The following SNTG2 variants were observed in gnomAD, a reference collection of about 807,000 sequenced individuals.
SNTG2 encodes gamma-2-syntrophin.
A neutral mutation model predicts 70.9 loss-of-function variants in SNTG2; 74 were observed. The ratio of observed to expected loss-of-function variants is 1.04; its 90% CI spans 0.86 to 1.27. The LOEUF is 1.27. SNTG2 is among the 50% of genes most tolerant of loss of function. The pLI, the probability that SNTG2 is intolerant of heterozygous loss-of-function variation, is 0.00. For synonymous variants in SNTG2, 278 were observed against 273.8 expected, an observed-to-expected ratio of 1.02 and a Z score of -0.15; for missense variants, 717 against 690.7, an observed-to-expected ratio of 1.04 and a Z score of -0.43.
chr2:1,203,690 A>ATATATATATATATGTGTG (rs150383929), intron 8 of SNTG2, among the ~76,000 whole-genome samples: 2 of 141,308 alleles, frequency 1.4e-5, no homozygotes, highest in African/African-American at 5.3e-5. Flanking sequence ...ATATATATAT[A>ATATATATATATATGTGTG]TGTGTGTGTG....
At chr2:1,255,885 A>AAT (rs1305282798) in intron 12 of SNTG2, among the ~76,000 whole-genome samples, 1,185 of 89,894 alleles carry the variant, frequency 0.013, 24 homozygotes, top group African/African-American at 0.037. Context: ...TATATATATA[A>AAT]ATATATATAA....
intron 4 of SNTG2, among the ~76,000 whole-genome samples, chr2:1,132,441 T>C (rs1166597365): frequency 6.6e-6 from 1 of 152,172 alleles, no homozygotes; most frequent in East Asian, 1.9e-4. Context: ...CAGCTGCTCT[T>C]GTTTCGACAC....
chr2:1,351,044 A>G (rs1455416861), intron 16 of SNTG2, among the ~76,000 whole-genome samples: 2 of 151,996 alleles, frequency 1.3e-5, no homozygotes, highest in Non-Finnish European at 1.5e-5. Flanking sequence ...TGTTCGGCCG[A>G]TAAGTGTAGG....
At chr2:1,298,667 G>A (rs1271486148) in intron 14 of SNTG2, among the ~76,000 whole-genome samples, 4 of 151,974 alleles carry the variant, frequency 2.6e-5, no homozygotes, top group Non-Finnish European at 4.4e-5. Context: ...ACCATCCTGC[G>A]CCACTCCAGA....
intron 16 of SNTG2, among the ~76,000 whole-genome samples, chr2:1,350,391 A>G (rs1272392054): frequency 6.6e-6 from 1 of 152,236 alleles, no homozygotes; most frequent in African/African-American, 2.4e-5. Context: ...CCTGCAACAC[A>G]GCTTGCCCCG....
chr2:1,094,398 G>A (rs75699273), intron 2 of SNTG2, among the ~76,000 whole-genome samples: 1 of 62,966 alleles, frequency 1.6e-5, no homozygotes, highest in African/African-American at 8.6e-5. Context: ...GACTGCAGGC[G>A]AAGGCCTTGT....
Position 1,247,455 on chromosome 2 carries a change from T to A in SNTG2, c.1005+12T>A. On this transcript the variant is annotated intron_variant, in intron 12 of 16. Transcript: ENST00000308624. ...TCAGCACTCCTCCGGTAAGGATGCT[T>A]TTGACACTCCACAGGGAGGGGCTGC... The A allele has an allele frequency of 6.4e-7, 1 of 1,573,886 alleles. No individual in the cohort carries two copies. Among genetic ancestry groups the A allele is most frequent in the Non-Finnish European group, 8.7e-7 (1 of 1,143,676 alleles).
chr2:1,223,654 C>G (rs796929138), intron 9 of SNTG2, among the ~76,000 whole-genome samples: 3 of 152,184 alleles, frequency 2.0e-5, no homozygotes, highest in Non-Finnish European at 2.9e-5. Context: ...TGACATCATT[C>G]GTATTGGGCC....
chr2:1,126,187 C>T (rs1667688784), intron 4 of SNTG2, among the ~76,000 whole-genome samples: 1 of 152,154 alleles, frequency 6.6e-6, no homozygotes, highest in South Asian at 2.1e-4. Context: ...CTCTATTCTA[C>T]TCCTTAGTTC....
intron 16 of SNTG2, among the ~76,000 whole-genome samples, chr2:1,363,664 C>T (rs978182931): frequency 6.6e-6 from 1 of 152,168 alleles, no homozygotes; most frequent in Admixed American, 6.5e-5. Context: ...TTTGTTCAAA[C>T]AAAATGTCAA....
intron 1 of SNTG2, among the ~76,000 whole-genome samples, chr2:968,538 T>C (rs1388274545): frequency 6.6e-6 from 1 of 152,202 alleles, no homozygotes; most frequent in East Asian, 1.9e-4. Context: ...GTTGTGTTTT[T>C]CCTGATTCTT....
chr2:1,357,452 G>T lies in SNTG2; in HGVS notation c.1489-9891G>T, dbSNP rs902280515. Reference sequence around the variant, plus strand: ...TAAATTCCACATATTTGTAGAATATGATCCTTTTCATGTGCTATTGAATTC... The same window carrying T: ...TAAATTCCACATATTTGTAGAATATTATCCTTTTCATGTGCTATTGAATTC... On this transcript the variant is annotated intron_variant, in intron 16 of 16. Coordinates refer to ENST00000308624, the MANE Select transcript of SNTG2 (RefSeq NM_018968.4). Among the ~76,000 whole-genome samples, 3 of 152,208 alleles carry T rather than the reference G, an allele frequency of 2.0e-5. No homozygotes were observed. In the East Asian group the frequency reaches 5.8e-4, roughly 29 times the overall value.
intron 16 of SNTG2, 33 bp downstream of exon 16, chr2:1,316,408 C>A: frequency 1.8e-6 from 2 of 1,124,478 alleles, no homozygotes; most frequent in Non-Finnish European, 2.6e-6. Context: ...TATTCTGCCA[C>A]CACCCACACA....
intron 8 of SNTG2, among the ~76,000 whole-genome samples, chr2:1,180,678 G>A (rs1480784150): frequency 6.6e-6 from 1 of 150,476 alleles, no homozygotes; most frequent in African/African-American, 2.5e-5. Context: ...CAGGGATCTA[G>A]AACTAGAAAT....
In SNTG2 at chr2:1,243,653, C is replaced by G. The variant is rs1677193854; in HGVS notation, c.889-3674C>G. On this transcript the variant is annotated intron_variant, in intron 11 of 16. Coordinates refer to ENST00000308624, the MANE Select transcript of SNTG2 (RefSeq NM_018968.4). ...GTGTTACGGCCGTTAGATTAAGTTC[C>G]TGCACATCAGTTTCCTATTCATAGT... Among the ~76,000 whole-genome samples, 3 of 152,324 alleles carry G rather than the reference C, an allele frequency of 2.0e-5. No homozygotes were observed. The South Asian group carries it at 6.2e-4, about 32-fold the overall frequency.
At chr2:1,336,842 T>C (rs1659842808) in intron 16 of SNTG2, among the ~76,000 whole-genome samples, 3 of 152,338 alleles carry the variant, frequency 2.0e-5, no homozygotes, top group African/African-American at 7.2e-5. Context: ...AGTACCATGC[T>C]GTTTTGGTTG....
intron 8 of SNTG2, among the ~76,000 whole-genome samples, chr2:1,196,341 TAAAAAA>T (rs1336801794): frequency 3.3e-5 from 5 of 151,516 alleles, no homozygotes; most frequent in African/African-American, 1.2e-4. Context: ...AAAGAAAAAA[TAAAAAA>T]GAATGAAGAA....
rs1355156989 is a variant in SNTG2, at chr2:1,347,184, G to A, written c.1489-20159G>A. ...TACCCAGGTAGCACCATAACAGGCA[G>A]GGGCTCTGGTCCCAGCACTAACCCT... is the stretch of plus-strand genomic sequence containing the variant. On this transcript the variant is annotated intron_variant, in intron 16 of 16. Coordinates refer to ENST00000308624, the MANE Select transcript of SNTG2 (RefSeq NM_018968.4). Among the ~76,000 whole-genome samples, 5 of 152,174 alleles carry A rather than the reference G, an allele frequency of 3.3e-5. No individual in the cohort carries two copies. In the East Asian group the frequency reaches 9.6e-4, roughly 29 times the overall value.
At chr2:1,306,738 G>A (rs1680693059) in intron 14 of SNTG2, among the ~76,000 whole-genome samples, 1 of 151,474 alleles carries the variant, frequency 6.6e-6, no homozygotes, top group Non-Finnish European at 1.5e-5. Context: ...TGCGCTGTGT[G>A]AGCCACACTG....
Sources: gnomAD v4.1 joint callset for allele counts (sites outside exome capture counted in the v4.1 genomes callset) on GRCh38, gnomAD v4.1.1 for gene constraint, MANE v1.5 for transcripts, NCBI Gene and HGNC (gene_info 2026-07-23, HGNC 2026-07-21) for gene names.